ZNF473: variants seen among roughly 807,000 people sequenced by gnomAD.
ZNF473 encodes zinc finger protein 473.
ZNF473 carries 4 observed loss-of-function variants against 11.1 expected under a neutral mutation model. The ratio of observed to expected loss-of-function variants is 0.36; its 90% confidence interval spans 0.18 to 0.82. The LOEUF is 0.82. Among genes scored for constraint, ZNF473 ranks in the 40% least tolerant of loss-of-function variants. The pLI, the probability that ZNF473 is intolerant of heterozygous loss-of-function variation, is 0.49. For missense variants in ZNF473, 854 were observed against 1,084.0 expected (o/e 0.79, Z 2.98); for synonymous variants, 404 against 390.4 (o/e 1.03, Z -0.41).
rs1157174550 is a variant in ZNF473, at chr19:50,047,843, T to TG, written c.*784_*785insG. ...GTTGGTTATGCAATAAGACACCCAA[T>TG]TTTTCATGGGAGTTGACACCAAAAC... On this transcript the variant is annotated 3_prime_UTR_variant, in exon 5 of 5. Coordinates refer to ENST00000270617, the MANE Select transcript of ZNF473 (RefSeq NM_015428.4). 2 of 152,228 alleles carry TG rather than the reference T, an allele frequency of 1.3e-5. No individual in the cohort carries two copies. The highest frequency in any genetic ancestry group is 2.9e-5 in the Non-Finnish European group (2 of 68,058). The allele number at this position is 152,228 out of a possible 1,614,324, so 9.4% of individuals were successfully genotyped here.
chr19:50,038,473 T>C (rs914332000), intron 2 of ZNF473, among the ~76,000 whole-genome samples: 1 of 152,020 alleles, frequency 6.6e-6, no homozygotes, highest in African/African-American at 2.4e-5. Context: ...TCACAGGAAA[T>C]GCGTGGCCAG....
At chr19:50,041,697 T>C in intron 3 of ZNF473, 33 bp from the exon 4 acceptor site, 1 of 1,569,066 alleles carries the variant, frequency 6.4e-7, no homozygotes, top group Non-Finnish European at 8.7e-7. Context: ...CTCCATGTCC[T>C]GGTTGGGTGA....
Position 50,047,046 on chromosome 19 carries a change from A to G in ZNF473, c.2603A>G (p.Gln868Arg). Residue 868 changes from glutamine to arginine, a missense_variant, in exon 5 of 5, where the codon CAA becomes CGA. By Grantham distance (43) the Gln-to-Arg change is conservative. Coordinates refer to ENST00000270617, the MANE Select transcript of ZNF473 (RefSeq NM_015428.4). ...SRHQRVHNKQQYCL is the reference protein window; with the variant it reads ...SRHQRVHNKQRYCL ...CATCAGCGTGTACACAACAAGCAGC[A>G]ATACTGCCTGTAGCCATTGGGTGGC... is the stretch of plus-strand genomic sequence containing the variant. 6 of 1,609,746 alleles carry G rather than the reference A, an allele frequency of 3.7e-6. No homozygotes were observed. Among genetic ancestry groups the G allele is most frequent in the Non-Finnish European group, 5.1e-6 (6 of 1,176,936 alleles).
chr19:50,028,252 C>T (rs1286414774), intron 1 of ZNF473, among the ~76,000 whole-genome samples: 7 of 149,994 alleles, frequency 4.7e-5, no homozygotes, highest in Non-Finnish European at 7.4e-5. Context: ...GAGCTGAGAT[C>T]GCGCCACTGC....
intron 2 of ZNF473, among the ~76,000 whole-genome samples, chr19:50,036,331 T>TTTTTTTTTG (rs1978436166): frequency 6.8e-6 from 1 of 147,358 alleles, no homozygotes; most frequent in African/African-American, 2.5e-5. Context: ...TTTTTTTTTT[T>TTTTTTTTTG]GAGATGGAGT....
chr19:50,036,958 T>G (rs943089653), intron 2 of ZNF473, among the ~76,000 whole-genome samples: 2 of 152,146 alleles, frequency 1.3e-5, no homozygotes, highest in Non-Finnish European at 2.9e-5. Flanking sequence ...AAGTGACTAT[T>G]TGGGCCTTGA....
rs146105171 is a variant in ZNF473 at position 50,045,418 on chromosome 19, C to T, written c.975C>T (p.Cys325=). The change falls in exon 5 of 5, where the codon TGC becomes TGT. Residue 325 remains cysteine, a synonymous_variant. Transcript: ENST00000270617. The part of the protein sequence containing the change: ...TDSKSYNCNE[C]GKAFTRIFHL... ...GTAAGTCCTACAACTGTAACGAATG[C>T]GGCAAGGCTTTTACCCGGATCTTCC... 135 of 1,613,996 alleles carry T rather than the reference C, an allele frequency of 8.4e-5. No individual in the cohort carries two copies. Among genetic ancestry groups the T allele is most frequent in the Non-Finnish European group, 9.9e-5 (117 of 1,180,022 alleles).
chr19:50,037,628 C>T (rs1468899425), intron 2 of ZNF473, among the ~76,000 whole-genome samples: 2 of 151,014 alleles, frequency 1.3e-5, no homozygotes, highest in Non-Finnish European at 2.9e-5. Context: ...CGAGACCAGC[C>T]TGGGCAACAT....
In ZNF473 at chr19:50,039,163, A is replaced by G. The variant is rs958255733; in HGVS notation, c.12A>G (p.Glu4=). The change falls in exon 3 of 5, where the codon GAA becomes GAG. Residue 4 remains glutamate, a splice_region_variant and synonymous_variant. Coordinates refer to ENST00000270617, the MANE Select transcript of ZNF473 (RefSeq NM_015428.4). This position sits in a 1 kb window ranked among gnomAD's most constrained non-coding sequence, Gnocchi z 4.8. ...ACCAATAGTGTACTGTGTTTCAGGA[A>G]TTTGTGACCCTCAAGGATGTCGGCA... MAE[E]FVTLKDVGMD... 1 of 1,613,906 alleles carries G rather than the reference A, an allele frequency of 6.2e-7. No homozygotes were observed. The highest frequency in any genetic ancestry group is 1.1e-5 in the South Asian group (1 of 91,074).
At position 50,046,226 on chromosome 19, in the gene ZNF473, C is replaced by G. The variant is rs1341003171; in HGVS notation, c.1783C>G (p.Gln595Glu). 6.2e-7 allele frequency: 1 copy of G among 1,614,102 alleles called. No individual in the cohort carries two copies. Residue 595 changes from glutamine to glutamate, a missense_variant, in exon 5 of 5, where the codon CAG becomes GAG. Around this residue, in one of 2 missense-constraint regions of ZNF473, gnomAD observed 668 missense variants for 790.2 expected, o/e 0.85. Transcript: ENST00000270617. This position sits in a 1 kb window ranked among gnomAD's most constrained non-coding sequence, Gnocchi z 5.9. ...TRGVKPFECD[Q>E]CGKAFGQSTR... ...GGGAGTGAAGCCCTTTGAATGTGAC[C>G]AGTGTGGGAAAGCCTTTGGCCAAAG... is the stretch of plus-strand genomic sequence containing the variant.
rs1173513804 is a variant in ZNF473, at chr19:50,044,657, C to CT, written c.227-11dup. The CT allele has an allele frequency of 2.5e-6, 4 of 1,591,064 alleles. No homozygotes were observed. The highest frequency in any genetic ancestry group is 2.3e-5 in the South Asian group (2 of 88,122). ...CCTTAGTGAACAGGAGACATTTGCACTTGCTCTTTCAGATGTGACTGAGAC... is the reference window on the plus strand; with the variant it reads ...CCTTAGTGAACAGGAGACATTTGCACTTTGCTCTTTCAGATGTGACTGAGAC... On this transcript the variant is annotated splice_polypyrimidine_tract_variant and intron_variant, in intron 4 of 4. Coordinates refer to ENST00000270617, the MANE Select transcript of ZNF473 (RefSeq NM_015428.4).
At chr19:50,033,797 A>G (rs565211674) in intron 2 of ZNF473, among the ~76,000 whole-genome samples, 1 of 152,048 alleles carries the variant, frequency 6.6e-6, no homozygotes, top group Admixed American at 6.6e-5. Context: ...GCATCACTCT[A>G]ATCTCTGCTT....
intron 3 of ZNF473, chr19:50,041,528 G>A (rs2122840378): frequency 2.5e-6 from 1 of 403,680 alleles, no homozygotes; most frequent in Non-Finnish European, 4.5e-6. Context: ...GATTGTGATT[G>A]TTTGGCTCCC....
Position 50,047,234 on chromosome 19 carries a change from A to G in ZNF473, c.*175A>G, listed in dbSNP as rs1049012206. 29 of 633,276 alleles carry G rather than the reference A, an allele frequency of 4.6e-5. No homozygotes were observed. The African/African-American group carries it at 5.1e-4, about 11-fold the overall frequency. The allele number at this position is 633,276 out of a possible 1,614,324, so 39.2% of individuals were successfully genotyped here. Reference sequence around the variant, plus strand: ...AACACAAAAGTGGAGAAGCTGTACAACGTCAGGATTCAGAGGTAGGCTCTG... The same window carrying G: ...AACACAAAAGTGGAGAAGCTGTACAGCGTCAGGATTCAGAGGTAGGCTCTG... On this transcript the variant is annotated 3_prime_UTR_variant, in exon 5 of 5. Transcript: ENST00000270617.
chr19:50,044,944 T>C lies in ZNF473; in HGVS notation c.501T>C (p.Asp167=). 6.2e-7 allele frequency: 1 copy of C among 1,614,184 alleles called. No homozygotes were observed. The change falls in exon 5 of 5, where the codon GAT becomes GAC. Residue 167 remains aspartate, a synonymous_variant. Coordinates refer to ENST00000270617, the MANE Select transcript of ZNF473 (RefSeq NM_015428.4). The stretch of plus-strand genomic sequence containing the variant: ...TGTCCACCGTTTCCACGGGAGAAGA[T>C]TCCATGGTGCATAATGTTTCTGAAA... ...SPVSTVSTGE[D]SMVHNVSEKT...
In ZNF473 at chr19:50,039,113, C is replaced by T; in HGVS notation, c.10-48C>T. 2.5e-6 allele frequency: 4 copies of T among 1,607,524 alleles called. No homozygotes were observed. Among genetic ancestry groups the T allele is most frequent in the Non-Finnish European group, 2.6e-6 (3 of 1,175,218 alleles). On this transcript the variant is annotated intron_variant, in intron 2 of 4. Transcript: ENST00000270617. This position sits in a 1 kb window ranked among gnomAD's most constrained non-coding sequence, Gnocchi z 4.8. ...AGTGCCCTGAGTGAGCTGTTGGGCT[C>T]CTCCCTGACCCCAGCCTCTGAGTGA... is the stretch of plus-strand genomic sequence containing the variant.
chr19:50,027,039 C>T (rs2077287257), intron 1 of ZNF473, among the ~76,000 whole-genome samples: 1 of 152,114 alleles, frequency 6.6e-6, no homozygotes, highest in Non-Finnish European at 1.5e-5. Flanking sequence ...AGTTGCATTT[C>T]CTCTTCTGAT....
intron 1 of ZNF473, among the ~76,000 whole-genome samples, chr19:50,026,923 A>G (rs2077285645): frequency 6.6e-6 from 1 of 152,140 alleles, no homozygotes; most frequent in Admixed American, 6.5e-5. Flanking sequence ...AAGTTGGCAA[A>G]TTTAGGCAGA....
intron 2 of ZNF473, among the ~76,000 whole-genome samples, chr19:50,036,830 C>T (rs915075679): frequency 1.3e-5 from 2 of 152,180 alleles, no homozygotes; most frequent in Admixed American, 1.3e-4. Flanking sequence ...TCACCAGAGG[C>T]AGTCTGTTGG....
Sources: gnomAD v4.1 joint callset for allele counts (sites outside exome capture counted in the v4.1 genomes callset) on GRCh38, gnomAD v4.1.1 for gene constraint, gnomAD v4.1.1 regional missense constraint, Gnocchi (gnomAD v3.1) non-coding constraint, MANE v1.5 for transcripts, NCBI Gene and HGNC (gene_info 2026-07-23, HGNC 2026-07-21) for gene names.